ADGRL3: variants seen among roughly 807,000 people sequenced by gnomAD.
ADGRL3 encodes adhesion G protein-coupled receptor L3, also known as calcium-independent alpha-latrotoxin receptor 3.
In ADGRL3, 62 loss-of-function variants were observed where a neutral mutation model predicts 153.5. The observed-to-expected ratio is 0.40, with a 90% CI of 0.33 to 0.50. The LOEUF (loss-of-function observed/expected upper bound fraction) is 0.50. Among genes scored for constraint, ADGRL3 ranks in the 20% least tolerant of loss-of-function variants. The probability of loss-of-function intolerance (pLI) is 0.47; values close to 1 mark genes in which losing one functional copy is unlikely to be tolerated. For synonymous variants in ADGRL3, 710 were observed against 672.5 expected, an observed-to-expected ratio of 1.06 and a Z score of -0.86; for missense variants, 1,641 against 1,859.4, an observed-to-expected ratio of 0.88 and a Z score of 2.16.
chr4:61,902,134 G>A (rs529223628), intron 11 of ADGRL3, among the ~76,000 whole-genome samples: 3 of 152,264 alleles, frequency 2.0e-5, no homozygotes, highest in Non-Finnish European at 2.9e-5. Context: ...TTCACTTTGG[G>A]TGCCACTGGA....
intron 2 of ADGRL3, among the ~76,000 whole-genome samples, chr4:61,438,775 T>C (rs1022873481): frequency 6.6e-6 from 1 of 150,772 alleles, no homozygotes; most frequent in Non-Finnish European, 1.5e-5. Context: ...TGGTGCGATC[T>C]CGGCTCACTG....
At chr4:61,843,858 T>A (rs2149028610) in intron 9 of ADGRL3, among the ~76,000 whole-genome samples, 1 of 151,624 alleles carries the variant, frequency 6.6e-6, no homozygotes, top group Middle Eastern at 3.4e-3. Flanking sequence ...ATAAAAAAAA[T>A]AAAAAATTAG....
intron 6 of ADGRL3, among the ~76,000 whole-genome samples, chr4:61,692,972 G>A (rs1473005667): frequency 6.6e-6 from 1 of 152,004 alleles, no homozygotes; most frequent in Non-Finnish European, 1.5e-5. Context: ...AGCTCTTCAT[G>A]TTCCTAAACA....
intron 4 of ADGRL3, among the ~76,000 whole-genome samples, chr4:61,534,723 C>A (rs577170369): frequency 6.6e-6 from 1 of 152,064 alleles, no homozygotes; most frequent in South Asian, 2.1e-4. Flanking sequence ...GGATTGAGTT[C>A]TTAATTTGGT....
intron 4 of ADGRL3, among the ~76,000 whole-genome samples, chr4:61,556,871 C>T (rs1040211016): frequency 4.6e-5 from 7 of 152,028 alleles, no homozygotes; most frequent in Non-Finnish European, 8.8e-5. Context: ...TAACACAGGC[C>T]CTTCTTTTTA....
chr4:61,825,181 T>TGTAA (rs1165994979), intron 9 of ADGRL3, among the ~76,000 whole-genome samples: 3 of 152,158 alleles, frequency 2.0e-5, no homozygotes, highest in Admixed American at 2.0e-4. Flanking sequence ...TGGAGTCAAA[T>TGTAA]GTAAGTACAT....
At chr4:61,837,185 T>A (rs534577156) in intron 9 of ADGRL3, among the ~76,000 whole-genome samples, 1 of 152,248 alleles carries the variant, frequency 6.6e-6, no homozygotes, top group Admixed American at 6.5e-5. Flanking sequence ...AAAAGATATG[T>A]TAAAAGTAGC....
intron 25 of ADGRL3, among the ~76,000 whole-genome samples, chr4:62,055,509 T>C (rs1736514849): frequency 6.6e-6 from 1 of 151,798 alleles, no homozygotes; most frequent in Non-Finnish European, 1.5e-5. Flanking sequence ...ATTTATGACT[T>C]TAGAAAAAAA....
intron 1 of ADGRL3, among the ~76,000 whole-genome samples, chr4:61,314,945 T>C (rs572094264): frequency 6.6e-6 from 1 of 152,360 alleles, no homozygotes; most frequent in African/African-American, 2.4e-5. Context: ...ATCTGTATCA[T>C]TCATTAATTC....
chr4:61,204,474 A>G (rs1287919565), intron 1 of ADGRL3, among the ~76,000 whole-genome samples: 1 of 152,194 alleles, frequency 6.6e-6, no homozygotes, highest in Non-Finnish European at 1.5e-5. Flanking sequence ...ATAAGATTTG[A>G]TCAGATCTGT....
At chr4:61,938,577 T>G (rs1047517728) in intron 15 of ADGRL3, among the ~76,000 whole-genome samples, 2 of 152,108 alleles carry the variant, frequency 1.3e-5, no homozygotes, top group Non-Finnish European at 2.9e-5. Context: ...ACAGAATCAC[T>G]GCTGTGAAAT....
intron 1 of ADGRL3, among the ~76,000 whole-genome samples, chr4:61,346,308 TACAC>T (rs10693257): frequency 0.015 from 2,211 of 144,588 alleles, 43 homozygotes; most frequent in African/African-American, 0.045. Context: ...TGTCACAGTC[TACAC>T]ACACACACAC....
rs369550451 is a variant in ADGRL3 at position 62,076,119 on chromosome 4, A to G, written c.*5211A>G. 5 of 152,134 alleles carry G rather than the reference A, an allele frequency of 3.3e-5. No homozygotes were observed. Among genetic ancestry groups the G allele is most frequent in the African/African-American group, 1.2e-4 (5 of 41,452 alleles). The allele number at this position is 152,134 out of a possible 1,614,324, so 9.4% of individuals were successfully genotyped here. A position where few individuals can be genotyped will look rare whatever the true frequency, so the allele number is the denominator to read the frequency against. On this transcript the variant is annotated 3_prime_UTR_variant, in exon 27 of 27. Coordinates refer to ENST00000683033, the MANE Select transcript of ADGRL3 (RefSeq NM_001387552.1). The stretch of plus-strand genomic sequence containing the variant: ...CTGCAATAAAACAGGTAGTTAATAT[A>G]GTTTCGCATAATCTCATTGAAAGAT...
chr4:61,285,501 T>A (rs1218289637), intron 1 of ADGRL3, among the ~76,000 whole-genome samples: 1 of 151,812 alleles, frequency 6.6e-6, no homozygotes, highest in East Asian at 1.9e-4. Flanking sequence ...TATATATTTT[T>A]TTAGCAGTGT....
intron 10 of ADGRL3, among the ~76,000 whole-genome samples, chr4:61,895,102 T>A (rs2098619875): frequency 6.6e-6 from 1 of 152,200 alleles, no homozygotes; most frequent in Non-Finnish European, 1.5e-5. Context: ...AACTGCTACC[T>A]TGCCTCTACA....
At chr4:62,061,806 T>A (rs191125385) in intron 25 of ADGRL3, among the ~76,000 whole-genome samples, 366 of 152,154 alleles carry the variant, frequency 2.4e-3, no homozygotes, top group African/African-American at 7.8e-3. Context: ...TTCCTTTTGT[T>A]TGTTGACTAG....
At position 61,644,139 on chromosome 4, in the gene ADGRL3, C is replaced by T. The variant is rs1466415379; in HGVS notation, c.474-32687C>T. ...TTCTGTGGGATCGGTGGTGATATCC[C>T]CTTTATCATTTTTTATTGTGTCTAT... On this transcript the variant is annotated intron_variant, in intron 5 of 26. Transcript: ENST00000683033. 1.2e-4 allele frequency among the ~76,000 whole-genome samples: 15 copies of T among 122,552 alleles called. No homozygotes were observed. In the East Asian group the frequency reaches 3.2e-3, roughly 26 times the overall value. The allele number at this position is 122,552 out of a possible 152,430, so 80.4% of individuals were successfully genotyped here.
At chr4:61,677,929 A>T (rs1049977281) in intron 6 of ADGRL3, among the ~76,000 whole-genome samples, 5 of 152,024 alleles carry the variant, frequency 3.3e-5, no homozygotes, top group Admixed American at 2.6e-4. Context: ...AAATTTTAAA[A>T]TAATAGTGAA....
chr4:61,816,950 C>A (rs1225337256), intron 9 of ADGRL3, among the ~76,000 whole-genome samples: 1 of 152,178 alleles, frequency 6.6e-6, no homozygotes, highest in Non-Finnish European at 1.5e-5. Flanking sequence ...CTCCTGGTGC[C>A]CACTCCAATT....
Sources: gnomAD v4.1 joint callset for allele counts (sites outside exome capture counted in the v4.1 genomes callset) on GRCh38, gnomAD v4.1.1 for gene constraint, MANE v1.5 for transcripts, NCBI Gene and HGNC (gene_info 2026-07-23, HGNC 2026-07-21) for gene names.